SSH1: variants seen among roughly 807,000 people sequenced by gnomAD.
SSH1 encodes slingshot protein phosphatase 1.
A neutral mutation model predicts 79.7 loss-of-function variants in SSH1; 43 were observed. That is an observed-to-expected ratio of 0.54 (90% confidence interval 0.42 to 0.70). The LOEUF (loss-of-function observed/expected upper bound fraction) is 0.70, where lower values mean the gene tolerates loss of function less well. Ranked by LOEUF, SSH1 falls within the 30% of genes least tolerant of loss-of-function variation. The pLI is 0.00. For missense variants in SSH1, 1,206 were observed against 1,358.8 expected (o/e 0.89, Z 1.77); for synonymous variants, 599 against 538.3 (o/e 1.11, Z -1.56).
In SSH1 at chr12:108,783,027, A is replaced by C. The variant is rs2036172484; in HGVS notation, c.*4961T>G. The C allele has an allele frequency of 6.6e-6, 1 of 152,202 alleles. No homozygotes were observed. The highest frequency in any genetic ancestry group is 3.2e-3 in the Middle Eastern group (1 of 316). The allele number at this position is 152,202 out of a possible 1,614,324, so 9.4% of individuals were successfully genotyped here. The stretch of plus-strand genomic sequence containing the variant: ...GCTCAGGACACTAACAGAGAGGAAA[A>C]CTAGGGTGGTCTAGGTGGTAATAAA... On this transcript the variant is annotated 3_prime_UTR_variant, in exon 15 of 15. Coordinates refer to ENST00000326495, the MANE Select transcript of SSH1 (RefSeq NM_018984.4).
intron 2 of SSH1, among the ~76,000 whole-genome samples, chr12:108,844,420 A>G: frequency 6.6e-6 from 1 of 152,012 alleles, no homozygotes; most frequent in South Asian, 2.1e-4. Context: ...GTGATGTCAG[A>G]CTCTGCAAGG....
At chr12:108,802,812 C>T (rs565311650) in intron 10 of SSH1, among the ~76,000 whole-genome samples, 1 of 152,256 alleles carries the variant, frequency 6.6e-6, no homozygotes, top group East Asian at 1.9e-4. Context: ...TGAAAAAGTT[C>T]CCACCCTCTG....
At chr12:108,829,734 T>C (rs2038427428) in intron 2 of SSH1, among the ~76,000 whole-genome samples, 1 of 152,158 alleles carries the variant, frequency 6.6e-6, no homozygotes, top group Admixed American at 6.6e-5. Flanking sequence ...TAAAACACAT[T>C]CATGCCCAGG....
chr12:108,835,941 CTA>C (rs36168207), intron 2 of SSH1, among the ~76,000 whole-genome samples: 2,547 of 110,636 alleles, frequency 0.023, 65 homozygotes, highest in Non-Finnish European at 0.036. Flanking sequence ...TCAATTATAA[CTA>C]TATTAATATA....
At chr12:108,795,534 G>A (rs371415428) in intron 13 of SSH1, among the ~76,000 whole-genome samples, 29 of 151,788 alleles carry the variant, frequency 1.9e-4, no homozygotes, top group African/African-American at 5.3e-4. Context: ...GGATTACAGC[G>A]CCTGACCCTC....
rs75092754 is a variant in SSH1, at chr12:108,798,249, G to A, written c.1349+751C>T. Among the ~76,000 whole-genome samples, 669 of 152,316 alleles carry A rather than the reference G, an allele frequency of 4.4e-3. 3 individuals carry two copies. Among genetic ancestry groups the A allele is most frequent in the African/African-American group, 0.015 (634 of 41,556 alleles). On this transcript the variant is annotated intron_variant, in intron 13 of 14. Coordinates refer to ENST00000326495, the MANE Select transcript of SSH1 (RefSeq NM_018984.4). ...ATACTACATCAGCAAGGCTGGTCTC[G>A]AACTCCTGAGCTCAAGCGACCACCC...
chr12:108,788,404 A>G lies in SSH1; in HGVS notation c.2734T>C (p.Ser912Pro). The G allele has an allele frequency of 6.2e-7, 1 of 1,610,184 alleles. No individual in the cohort carries two copies. Among genetic ancestry groups the G allele is most frequent in the South Asian group, 1.1e-5 (1 of 90,466 alleles). Residue 912 changes from serine to proline, a missense_variant, in exon 15 of 15, where the codon TCA becomes CCA. Ser to Pro is a moderately conservative substitution (Grantham distance 74). Coordinates refer to ENST00000326495, the MANE Select transcript of SSH1 (RefSeq NM_018984.4). Reference protein sequence around the residue: ...FYRLDHTSSFSKDFLKTICYT... With the variant: ...FYRLDHTSSFPKDFLKTICYT... Reference sequence around the variant, plus strand: ...CAGATGGTCTTCAGAAAGTCTTTTGAGAAACTACTGGTGTGGTCCAGGCGG... The same window carrying G: ...CAGATGGTCTTCAGAAAGTCTTTTGGGAAACTACTGGTGTGGTCCAGGCGG...
intron 2 of SSH1, among the ~76,000 whole-genome samples, chr12:108,849,839 A>C (rs2137285442): frequency 1.1e-5 from 1 of 90,730 alleles, no homozygotes; most frequent in Non-Finnish European, 2.1e-5. Flanking sequence ...GGGAGGAGGC[A>C]TGGGGGAGGG....
intron 1 of SSH1, among the ~76,000 whole-genome samples, chr12:108,856,166 C>T (rs963461336): frequency 1.3e-5 from 2 of 152,218 alleles, no homozygotes; most frequent in African/African-American, 2.4e-5. Context: ...GGTCTGCAGG[C>T]GGACACTCAG....
At chr12:108,792,955 A>G (rs972283342) in intron 13 of SSH1, 126 bp from the exon 14 acceptor site, 2 of 1,101,376 alleles carry the variant, frequency 1.8e-6, no homozygotes, top group African/African-American at 3.1e-5. Context: ...TCCATGGCTC[A>G]TTCAGGTAAA....
At position 108,788,786 on chromosome 12, in the gene SSH1, C is replaced by T. The variant is rs2036377075; in HGVS notation, c.2352G>A (p.Lys784=). The change falls in exon 15 of 15, where the codon AAG becomes AAA. Residue 784 remains lysine, a synonymous_variant. Coordinates refer to ENST00000326495, the MANE Select transcript of SSH1 (RefSeq NM_018984.4). ...KEESSPKKDM[K]PAKDLRLLFS... ...ACAGAAGCCTCAGGTCCTTGGCTGGCTTCATATCTTTCTTGGGTGACGATT... is the reference window on the plus strand; with the variant it reads ...ACAGAAGCCTCAGGTCCTTGGCTGGTTTCATATCTTTCTTGGGTGACGATT... 6.2e-7 allele frequency: 1 copy of T among 1,614,254 alleles called. No homozygotes were observed. Among genetic ancestry groups the T allele is most frequent in the Non-Finnish European group, 8.5e-7 (1 of 1,180,046 alleles).
intron 5 of SSH1, among the ~76,000 whole-genome samples, chr12:108,813,445 G>A (rs2037721224): frequency 6.6e-6 from 1 of 151,900 alleles, no homozygotes; most frequent in East Asian, 1.9e-4. Flanking sequence ...CGGGTGTGGT[G>A]GCTCATACCT....
At chr12:108,826,056 A>AT (rs1294418917) in intron 2 of SSH1, 1 of 435,028 alleles carries the variant, frequency 2.3e-6, no homozygotes, top group South Asian at 1.7e-5. Context: ...TCGAGACAAC[A>AT]TCAACTGCTT....
rs79155258 is a variant in SSH1 at position 108,811,718 on chromosome 12, G to A, written c.402-390C>T. On this transcript the variant is annotated intron_variant, in intron 5 of 14. Coordinates refer to ENST00000326495, the MANE Select transcript of SSH1 (RefSeq NM_018984.4). ...GGGGGAGCGTGCTCACACCGTTCCC[G>A]GAGCTCACTTTCAGACCTGTGCACC... 1,208 of 333,454 alleles carry A rather than the reference G, an allele frequency of 3.6e-3. 10 individuals are homozygous for A. The highest frequency in any genetic ancestry group is 0.024 in the African/African-American group (1,113 of 47,120). The allele number at this position is 333,454 out of a possible 1,614,324, so 20.7% of individuals were successfully genotyped here.
At position 108,857,343 on chromosome 12, in the gene SSH1, C is replaced by A. The variant is rs1245169480; in HGVS notation, c.69+85G>T. On this transcript the variant is annotated intron_variant, in intron 1 of 14. Coordinates refer to ENST00000326495, the MANE Select transcript of SSH1 (RefSeq NM_018984.4). The surrounding 1 kb of genome is among the most constrained non-coding windows in gnomAD (Gnocchi z 4.7). ...CCGAGGAGCCCGCGCAGCCGCCCCCCTGCCCCGCACGCGCGGCCCCAGCTC... is the reference window on the plus strand; with the variant it reads ...CCGAGGAGCCCGCGCAGCCGCCCCCATGCCCCGCACGCGCGGCCCCAGCTC... 6.0e-6 allele frequency: 5 copies of A among 828,344 alleles called. No individual in the cohort carries two copies. The highest frequency in any genetic ancestry group is 4.4e-6 in the Non-Finnish European group (3 of 687,204). The allele number at this position is 828,344 out of a possible 1,614,324, so 51.3% of individuals were successfully genotyped here. A position where few individuals can be genotyped will look rare whatever the true frequency, so the allele number is the denominator to read the frequency against.
Position 108,786,262 on chromosome 12 carries a change from A to C in SSH1, c.*1726T>G, listed in dbSNP as rs2036269000. Reference sequence around the variant, plus strand: ...CGGACCCAGCTGAGGGCAAGATGGAATTGTGGAAGAGCTTCAGCCAACTGT... The same window carrying C: ...CGGACCCAGCTGAGGGCAAGATGGACTTGTGGAAGAGCTTCAGCCAACTGT... On this transcript the variant is annotated 3_prime_UTR_variant, in exon 15 of 15. Coordinates refer to ENST00000326495, the MANE Select transcript of SSH1 (RefSeq NM_018984.4). 6.6e-6 allele frequency: 1 copy of C among 152,252 alleles called. No homozygotes were observed. Among genetic ancestry groups the C allele is most frequent in the Non-Finnish European group, 1.5e-5 (1 of 68,056 alleles). The allele number at this position is 152,252 out of a possible 1,614,324, so 9.4% of individuals were successfully genotyped here.
intron 3 of SSH1, among the ~76,000 whole-genome samples, 174 bp downstream of exon 3, chr12:108,823,084 T>C (rs1476203296): frequency 1.3e-5 from 2 of 152,210 alleles, no homozygotes; most frequent in African/African-American, 2.4e-5. Context: ...GGTTGGAAAA[T>C]GTGCGTGGTC....
Position 108,796,235 on chromosome 12 carries a change from G to A in SSH1, c.1349+2765C>T, listed in dbSNP as rs377329298. Among the ~76,000 whole-genome samples, 323 of 152,258 alleles carry A rather than the reference G, an allele frequency of 2.1e-3. 2 individuals are homozygous for A. Among genetic ancestry groups the A allele is most frequent in the African/African-American group, 7.5e-3 (312 of 41,546 alleles). The stretch of plus-strand genomic sequence containing the variant: ...CCGGCCTCATCTTGACCACTTCTAA[G>A]TGTACATTAAATACATTCATAATGT... On this transcript the variant is annotated intron_variant, in intron 13 of 14. Transcript: ENST00000326495.
rs116311308 is a variant in SSH1 at position 108,803,542 on chromosome 12, G to A, written c.955-1174C>T. Among the ~76,000 whole-genome samples, 658 of 152,274 alleles carry A rather than the reference G, an allele frequency of 4.3e-3. 1 individual carries two copies. Among genetic ancestry groups the A allele is most frequent in the African/African-American group, 0.015 (616 of 41,550 alleles). ...AGGGCCCTGAGCAAGCTGGCAATGT[G>A]CGACACTAGCTGAATTTTCATATTT... On this transcript the variant is annotated intron_variant, in intron 10 of 14. Transcript: ENST00000326495.
Sources: allele counts gnomAD v4.1 joint callset (sites outside exome capture counted in the v4.1 genomes callset), GRCh38; gene constraint gnomAD v4.1.1; non-coding constraint Gnocchi (gnomAD v3.1); transcripts MANE v1.5; gene names NCBI Gene and HGNC (gene_info 2026-07-23, HGNC 2026-07-21).